The following MAPK10 variants were observed in gnomAD, a reference collection of about 807,000 sequenced individuals.
MAPK10 encodes the protein JNK3 alpha protein kinase.
In MAPK10, 25 loss-of-function variants were observed where a neutral mutation model predicts 59.3. The observed-to-expected ratio is 0.42, with a 90% CI of 0.31 to 0.59. The LOEUF (loss-of-function observed/expected upper bound fraction) is 0.59, where lower values mean the gene tolerates loss of function less well. MAPK10 is among the 20% of genes least tolerant of loss of function. The probability of loss-of-function intolerance (pLI) is 0.15; values close to 1 mark genes in which losing one functional copy is unlikely to be tolerated. For synonymous variants in MAPK10, 190 were observed against 200.5 expected (o/e 0.95, Z 0.44); for missense variants, 351 against 568.9 (o/e 0.62, Z 3.90).
chr4:86,014,203 CT>C lies in MAPK10; in HGVS notation c.*3024del, dbSNP rs1422599526. 5 of 152,006 alleles carry C rather than the reference CT, an allele frequency of 3.3e-5. No homozygotes were observed. Among genetic ancestry groups the C allele is most frequent in the Non-Finnish European group, 5.9e-5 (4 of 68,006 alleles). 9.4% of individuals were successfully genotyped at this position (152,006 alleles called of 1,614,324 possible). A position where few individuals can be genotyped will look rare whatever the true frequency, so the allele number is the denominator to read the frequency against. On this transcript the variant is annotated 3_prime_UTR_variant, in exon 14 of 14. Coordinates refer to ENST00000641462, the MANE Select transcript of MAPK10 (RefSeq NM_138982.4). ...GCCCCAACCCCAGGTAGAACCTTCA[CT>C]TTTTTTCAGGAATATTGTCCAGGTG...
intron 4 of MAPK10, among the ~76,000 whole-genome samples, chr4:86,156,465 G>A (rs1320759064): frequency 6.6e-6 from 1 of 151,856 alleles, no homozygotes; most frequent in Non-Finnish European, 1.5e-5. Flanking sequence ...CTGATGGTGT[G>A]TAACACCACC....
At chr4:86,556,661 T>C (rs1760292492) in intron 1 of MAPK10, among the ~76,000 whole-genome samples, 1 of 152,092 alleles carries the variant, frequency 6.6e-6, no homozygotes, top group African/African-American at 2.4e-5. Flanking sequence ...TTTCACACAA[T>C]ACAGAGCTGT....
chr4:86,463,133 G>T (rs1490431283), intron 1 of MAPK10, among the ~76,000 whole-genome samples: 1 of 152,200 alleles, frequency 6.6e-6, no homozygotes, highest in African/African-American at 2.4e-5. Context: ...GGTAAATGGA[G>T]AATGTTAACT....
At chr4:86,558,423 C>G (rs1760429716) in intron 1 of MAPK10, among the ~76,000 whole-genome samples, 1 of 152,036 alleles carries the variant, frequency 6.6e-6, no homozygotes, top group African/African-American at 2.4e-5. Flanking sequence ...CCCTCTGAGG[C>G]AGGTTGGTAT....
At chr4:86,349,471 C>G (rs1730022526) in intron 2 of MAPK10, among the ~76,000 whole-genome samples, 1 of 152,148 alleles carries the variant, frequency 6.6e-6, no homozygotes, top group South Asian at 2.1e-4. Context: ...ATAAGAAATT[C>G]AAAGATGAGT....
At chr4:86,082,764 T>A (rs570984412) in intron 9 of MAPK10, among the ~76,000 whole-genome samples, 129 of 152,284 alleles carry the variant, frequency 8.5e-4, no homozygotes, top group African/African-American at 3.0e-3. Flanking sequence ...TGCTCTCTAC[T>A]CAGGGGGTTG....
At chr4:86,223,796 A>G (rs1214270224) in intron 2 of MAPK10, among the ~76,000 whole-genome samples, 1 of 152,124 alleles carries the variant, frequency 6.6e-6, no homozygotes, top group African/African-American at 2.4e-5. Flanking sequence ...ACTTTGCCCC[A>G]ACCCCCTAAC....
chr4:86,357,470 A>G (rs1735101055), intron 1 of MAPK10, among the ~76,000 whole-genome samples: 1 of 152,188 alleles, frequency 6.6e-6, no homozygotes, highest in South Asian at 2.1e-4. Context: ...TGTTTTGCTT[A>G]TGATGTTCCT....
At chr4:86,187,812 A>G (rs2078636307) in intron 3 of MAPK10, among the ~76,000 whole-genome samples, 1 of 152,174 alleles carries the variant, frequency 6.6e-6, no homozygotes, top group Non-Finnish European at 1.5e-5. Flanking sequence ...ATACATGTGC[A>G]GAACATGAAG....
At chr4:86,227,679 C>CA (rs1053277631) in intron 2 of MAPK10, among the ~76,000 whole-genome samples, 5 of 151,844 alleles carry the variant, frequency 3.3e-5, no homozygotes, top group Non-Finnish European at 5.9e-5. Flanking sequence ...ACACAGGGAC[C>CA]AAAAAAATAT....
In MAPK10 at chr4:86,203,089, C is replaced by G. The variant is rs192511167; in HGVS notation, c.-6-8682G>C. ...GACAATATCTTGGTGCAATATAGGA[C>G]CTGTAAGTAGCTTGAAAGAGAAGGA... On this transcript the variant is annotated intron_variant, in intron 2 of 13. Coordinates refer to ENST00000641462, the MANE Select transcript of MAPK10 (RefSeq NM_138982.4). Among the ~76,000 whole-genome samples, 57 of 151,846 alleles carry G rather than the reference C, an allele frequency of 3.8e-4. 2 individuals carry two copies. The highest frequency in any genetic ancestry group is 2.3e-3 in the Admixed American group (35 of 15,214).
At chr4:86,237,497 C>T (rs1296724259) in intron 2 of MAPK10, among the ~76,000 whole-genome samples, 1 of 152,166 alleles carries the variant, frequency 6.6e-6, no homozygotes, top group Non-Finnish European at 1.5e-5. Flanking sequence ...TGCTATTTCT[C>T]CACAGCCTCA....
rs1226174305 is a variant in MAPK10 at position 86,144,690 on chromosome 4, AT to A, written c.236+14607del. 4.6e-5 allele frequency among the ~76,000 whole-genome samples: 7 copies of A among 152,300 alleles called. No individual in the cohort carries two copies. The East Asian group carries it at 5.8e-4, about 13-fold the overall frequency. On this transcript the variant is annotated intron_variant, in intron 4 of 13. Transcript: ENST00000641462. ...CTCTGAGATTCATAATTTCTTATTGATAATGCAAAAATCCCTTTGCATGTGT... is the reference window on the plus strand; with the variant it reads ...CTCTGAGATTCATAATTTCTTATTGAAATGCAAAAATCCCTTTGCATGTGT...
At chr4:86,312,620 C>A (rs1286424463) in intron 2 of MAPK10, among the ~76,000 whole-genome samples, 1 of 151,996 alleles carries the variant, frequency 6.6e-6, no homozygotes, top group African/African-American at 2.4e-5. Flanking sequence ...TTAGATGAAA[C>A]AATGTAAATA....
chr4:86,065,555 C>T (rs1044495896), intron 10 of MAPK10: 2 of 152,096 alleles, frequency 1.3e-5, no homozygotes, highest in Non-Finnish European at 2.9e-5. Context: ...AATTATTATA[C>T]TTTAAGTTCT....
intron 1 of MAPK10, among the ~76,000 whole-genome samples, chr4:86,380,933 C>T (rs982386614): frequency 4.0e-5 from 6 of 151,438 alleles, no homozygotes; most frequent in Middle Eastern, 7.0e-3. Flanking sequence ...ACTGAGAGAC[C>T]GAAGCAGAGC....
chr4:86,465,325 C>A (rs563356731), intron 1 of MAPK10, among the ~76,000 whole-genome samples: 1 of 152,314 alleles, frequency 6.6e-6, no homozygotes, highest in South Asian at 2.1e-4. Context: ...ACTAGCCAAG[C>A]TCTAGCTACA....
At chr4:86,056,867 A>C (rs1289030954) in intron 11 of MAPK10, among the ~76,000 whole-genome samples, 1 of 149,614 alleles carries the variant, frequency 6.7e-6, no homozygotes, top group Non-Finnish European at 1.5e-5. Flanking sequence ...CAACTTTAGG[A>C]TTCTTTGGTT....
intron 2 of MAPK10, among the ~76,000 whole-genome samples, chr4:86,302,261 C>T (rs970037295): frequency 5.9e-5 from 9 of 152,160 alleles, no homozygotes; most frequent in Non-Finnish European, 7.4e-5. Flanking sequence ...AGAATGTAAC[C>T]AATTACATAT....
Sources: gnomAD v4.1 joint callset for allele counts (sites outside exome capture counted in the v4.1 genomes callset) on GRCh38, gnomAD v4.1.1 for gene constraint, MANE v1.5 for transcripts, NCBI Gene and HGNC (gene_info 2026-07-23, HGNC 2026-07-21) for gene names.